SETD3: variants seen among roughly 807,000 people sequenced by gnomAD.
SETD3 encodes actin-histidine N-methyltransferase.
A neutral mutation model predicts 63.0 loss-of-function variants in SETD3; 19 were observed. That is an observed-to-expected ratio of 0.30 (90% CI 0.21 to 0.44). The LOEUF is 0.44. Ranked by LOEUF, SETD3 falls within the 20% of genes least tolerant of loss-of-function variation. The pLI, the probability that SETD3 is intolerant of heterozygous loss-of-function variation, is 1.00. For missense variants in SETD3, 587 were observed against 728.5 expected (o/e 0.81, Z 2.24); for synonymous variants, 286 against 264.1 (o/e 1.08, Z -0.80).
At chr14:99,446,363 G>A (rs534867235) in intron 6 of SETD3, among the ~76,000 whole-genome samples, 1 of 152,304 alleles carries the variant, frequency 6.6e-6, no homozygotes, top group East Asian at 1.9e-4. Context: ...CTTCTAATTT[G>A]TTTAATTCTG....
intron 6 of SETD3, among the ~76,000 whole-genome samples, chr14:99,415,385 A>G (rs997932487): frequency 5.3e-5 from 8 of 152,238 alleles, no homozygotes; most frequent in South Asian, 2.1e-4. Flanking sequence ...CTGGAATGCT[A>G]AATCTCAAAA....
At chr14:99,461,883 A>G (rs372892705) in intron 3 of SETD3, among the ~76,000 whole-genome samples, 10 of 152,384 alleles carry the variant, frequency 6.6e-5, no homozygotes, top group South Asian at 4.1e-4. Context: ...GTGTATCAAC[A>G]TAAGTATAAC....
At chr14:99,464,296 C>T (rs1040283117) in intron 2 of SETD3, among the ~76,000 whole-genome samples, 1 of 152,240 alleles carries the variant, frequency 6.6e-6, no homozygotes, top group Admixed American at 6.5e-5. Context: ...TTAGACAGCC[C>T]CTTCCCACAC....
chr14:99,418,949 C>G (rs1011176180), intron 6 of SETD3, among the ~76,000 whole-genome samples: 3 of 152,174 alleles, frequency 2.0e-5, no homozygotes, highest in Admixed American at 6.5e-5. Flanking sequence ...GCATGCAAGA[C>G]AGCGAGTTTC....
Position 99,419,315 on chromosome 14 carries a change from TTAAA to T in SETD3, c.676-5385_676-5382del, listed in dbSNP as rs1238936018. 2.0e-5 allele frequency among the ~76,000 whole-genome samples: 3 copies of T among 152,022 alleles called. No homozygotes were observed. The East Asian group carries it at 5.8e-4, about 29-fold the overall frequency. ...TGTATCACCTTATAATTTAAAAAACTTAAATTAAGAAAATGAAATTAGTGGAGAA... is the reference window on the plus strand; with the variant it reads ...TGTATCACCTTATAATTTAAAAAACTTTAAGAAAATGAAATTAGTGGAGAA... On this transcript the variant is annotated intron_variant, in intron 6 of 12. Transcript: ENST00000331768.
upstream of SETD3, chr14:99,481,402 G>A (rs1896310043): frequency 7.5e-6 from 3 of 398,530 alleles, no homozygotes; most frequent in South Asian, 1.3e-4. Flanking sequence ...TGATGACGTA[G>A]GTCCCCGACA....
chr14:99,400,705 G>A (rs1008407805), intron 11 of SETD3, among the ~76,000 whole-genome samples: 12 of 152,146 alleles, frequency 7.9e-5, no homozygotes, highest in Non-Finnish European at 1.5e-4. Context: ...AATCCCGCAA[G>A]CCCATAACTG....
intron 8 of SETD3, among the ~76,000 whole-genome samples, chr14:99,406,799 A>G (rs1035786718): frequency 1.3e-5 from 2 of 152,238 alleles, no homozygotes; most frequent in African/African-American, 4.8e-5. Flanking sequence ...GGAAAATTAC[A>G]TACCTGAAAT....
chr14:99,482,163 C>T (rs1343976857), upstream of SETD3, among the ~76,000 whole-genome samples: 2 of 152,192 alleles, frequency 1.3e-5, no homozygotes, highest in African/African-American at 2.4e-5. Flanking sequence ...TTTAGACTGC[C>T]AGTTAAACGG....
At chr14:99,469,916 T>C (rs746294866) in intron 1 of SETD3, among the ~76,000 whole-genome samples, 3 of 152,228 alleles carry the variant, frequency 2.0e-5, no homozygotes, top group Non-Finnish European at 2.9e-5. Flanking sequence ...TCAACTTCTA[T>C]TACCGATTAG....
Position 99,463,529 on chromosome 14 carries a change from C to T in SETD3, c.153G>A (p.Val51=). 6.2e-7 allele frequency: 1 copy of T among 1,614,100 alleles called. No homozygotes were observed. The highest frequency in any genetic ancestry group is 8.5e-7 in the Non-Finnish European group (1 of 1,180,008). ...PGPGKEWEEY[V]QIRTLVEKIR... ...TTTTCTCAACCAGAGTCCGGATCTG[C>T]ACATACTCTTCCCACTCTTTTCCTG... The change falls in exon 3 of 13, where the codon GTG becomes GTA. Residue 51 remains valine, a synonymous_variant. Transcript: ENST00000331768.
At chr14:99,410,092 C>A in intron 8 of SETD3, 1 of 911,526 alleles carries the variant, frequency 1.1e-6, no homozygotes, top group South Asian at 1.4e-5. Context: ...GAGGCGTAGT[C>A]ATTCCACATA....
rs369670447 is a variant in SETD3 at position 99,463,480 on chromosome 14, T to C, written c.196+6A>G. On this transcript the variant is annotated splice_donor_region_variant and intron_variant, in intron 3 of 12. Coordinates refer to ENST00000331768, the MANE Select transcript of SETD3 (RefSeq NM_032233.3). ...TAAAATACAGTTATCATTCTAGCAA[T>C]TTTACCTTTTTGCTTTTTCCGTATT... The C allele has an allele frequency of 3.9e-4, 633 of 1,607,288 alleles. No individual in the cohort carries two copies. The highest frequency in any genetic ancestry group is 5.2e-4 in the Non-Finnish European group (610 of 1,174,680).
chr14:99,461,403 T>C, intron 3 of SETD3, 63 bp from the exon 4 acceptor site: 2 of 1,526,222 alleles, frequency 1.3e-6, no homozygotes, highest in Non-Finnish European at 1.8e-6. Flanking sequence ...TTCACACGTC[T>C]CTCAGAAAAT....
Position 99,418,013 on chromosome 14 carries a change from A to G in SETD3, c.676-4079T>C, listed in dbSNP as rs78565634. ...TCTCTACCCAGACTGATTTTTACTT[A>G]AAGAAAAACAAGTTGAACATATTAA... On this transcript the variant is annotated intron_variant, in intron 6 of 12. Coordinates refer to ENST00000331768, the MANE Select transcript of SETD3 (RefSeq NM_032233.3). Among the ~76,000 whole-genome samples, 1,421 of 152,340 alleles carry G rather than the reference A, an allele frequency of 9.3e-3. 19 individuals carry two copies. Among genetic ancestry groups the G allele is most frequent in the African/African-American group, 0.032 (1,335 of 41,574 alleles).
intron 6 of SETD3, among the ~76,000 whole-genome samples, chr14:99,418,161 T>A (rs1316596144): frequency 1.3e-5 from 2 of 152,214 alleles, no homozygotes; most frequent in Non-Finnish European, 2.9e-5. Context: ...ATTTCAAATA[T>A]ATTTATGGAA....
rs1188702914 is a variant in SETD3, at chr14:99,403,453, A to ACTCTCTCTCTCTCTCTCTCTCTCT, written c.1177+771_1177+772insAGAGAGAGAGAGAGAGAGAGAGAG. ...CATACACACACACACACACACACAC[A>ACTCTCTCTCTCTCTCTCTCTCTCT]CACTCTCTCTCTCTCTCTCTCTCTC... On this transcript the variant is annotated intron_variant, in intron 11 of 12. Transcript: ENST00000331768. Among the ~76,000 whole-genome samples, 51 of 106,172 alleles carry ACTCTCTCTCTCTCTCTCTCTCTCT rather than the reference A, an allele frequency of 4.8e-4. No individual in the cohort carries two copies. In the East Asian group the frequency reaches 6.5e-3, roughly 13 times the overall value. The allele number at this position is 106,172 out of a possible 152,430, so 69.7% of individuals were successfully genotyped here.
intron 6 of SETD3, among the ~76,000 whole-genome samples, chr14:99,424,533 G>A (rs1012623404): frequency 1.3e-5 from 2 of 152,168 alleles, no homozygotes; most frequent in African/African-American, 4.8e-5. Flanking sequence ...CATCTCAAAG[G>A]CATGGGGGCT....
rs199765485 is a variant in SETD3 at position 99,404,265 on chromosome 14, A to G, written c.1137T>C (p.Ala379=). Reference sequence around the variant, plus strand: ...ATACTCGGAGAAAAGCCAAAAGCTGAGCAGAGATGGGCGGCTCGGTAAAAT... The same window carrying G: ...ATACTCGGAGAAAAGCCAAAAGCTGGGCAGAGATGGGCGGCTCGGTAAAAT... The part of the protein sequence containing the change: ...ALHFTEPPIS[A]QLLAFLRVFC... The change falls in exon 11 of 13, where the codon GCT becomes GCC. Residue 379 remains alanine, a synonymous_variant. Transcript: ENST00000331768. The G allele has an allele frequency of 1.1e-4, 174 of 1,614,082 alleles. No homozygotes were observed. The highest frequency in any genetic ancestry group is 1.2e-4 in the Non-Finnish European group (141 of 1,180,046).
Sources: gnomAD v4.1 joint callset for allele counts (sites outside exome capture counted in the v4.1 genomes callset) on GRCh38, gnomAD v4.1.1 for gene constraint, MANE v1.5 for transcripts, NCBI Gene and HGNC (gene_info 2026-07-23, HGNC 2026-07-21) for gene names.